Variants in RBM33 observed in about 807,000 individuals in gnomAD.
RBM33 encodes RNA binding motif protein 33.
A neutral mutation model predicts 132.6 loss-of-function variants in RBM33; 28 were observed. The observed-to-expected ratio is 0.21, with a 90% confidence interval of 0.16 to 0.29. The LOEUF is 0.29. Among genes scored for constraint, RBM33 ranks in the 10% least tolerant of loss-of-function variants. The pLI is 1.00. For synonymous variants in RBM33, 634 were observed against 593.0 expected (o/e 1.07, Z -1.01); for missense variants, 1,291 against 1,518.5 (o/e 0.85, Z 2.49).
In RBM33 at chr7:155,745,604, T is replaced by G. The variant is rs1585521218; in HGVS notation, c.2979+2T>G. On this transcript the variant is annotated splice_donor_variant, in intron 14 of 17. Transcript: ENST00000401878. LOFTEE classifies it high-confidence loss of function. The surrounding 1 kb of genome is among the most constrained non-coding windows in gnomAD (Gnocchi z 4.1). ...AGGGTGATTAAGCTGTCAGGTGGGG[T>G]AAGTTGACAAGTTTTATGAGAGCCT... 6.4e-7 allele frequency: 1 copy of G among 1,569,324 alleles called. No homozygotes were observed. Among genetic ancestry groups the G allele is most frequent in the Non-Finnish European group, 8.6e-7 (1 of 1,156,580 alleles).
chr7:155,713,619 G>A (rs950879886), intron 8 of RBM33, among the ~76,000 whole-genome samples: 1 of 152,178 alleles, frequency 6.6e-6, no homozygotes, highest in Non-Finnish European at 1.5e-5. Flanking sequence ...CACTTGGGGC[G>A]GGGCTGGTGA....
intron 14 of RBM33, among the ~76,000 whole-genome samples, chr7:155,762,824 G>A (rs1028866218): frequency 7.2e-5 from 11 of 152,292 alleles, no homozygotes; most frequent in Admixed American, 5.2e-4. Flanking sequence ...CCTCCCTGTC[G>A]ATGTTGAGAG....
intron 12 of RBM33, among the ~76,000 whole-genome samples, chr7:155,740,568 T>G (rs1443319627): frequency 6.6e-6 from 1 of 152,232 alleles, no homozygotes; most frequent in African/African-American, 2.4e-5. Context: ...TAGCATACAT[T>G]TATTTGTGGG....
chr7:155,654,056 A>G (rs1301371828), intron 1 of RBM33, among the ~76,000 whole-genome samples: 1 of 152,212 alleles, frequency 6.6e-6, no homozygotes, highest in African/African-American at 2.4e-5. Flanking sequence ...AAATATTGCA[A>G]AAGATGGCTG....
At chr7:155,671,947 G>C (rs539326077) in intron 2 of RBM33, among the ~76,000 whole-genome samples, 2 of 152,196 alleles carry the variant, frequency 1.3e-5, no homozygotes, top group African/African-American at 4.8e-5. Flanking sequence ...TTCTGTTTTA[G>C]TTGTAAAAAT....
At chr7:155,690,262 A>C (rs575257271) in intron 5 of RBM33, among the ~76,000 whole-genome samples, 70 of 152,104 alleles carry the variant, frequency 4.6e-4, no homozygotes, top group African/African-American at 1.6e-3. Context: ...TTTGGTTTAA[A>C]ATCTGTTTTA....
At chr7:155,681,692 A>G (rs1799342481) in intron 5 of RBM33, among the ~76,000 whole-genome samples, 1 of 152,052 alleles carries the variant, frequency 6.6e-6, no homozygotes, top group South Asian at 2.1e-4. Flanking sequence ...GGCTGTTGGG[A>G]TGGTGACAGA....
Position 155,650,906 on chromosome 7 carries a change from G to A in RBM33, c.43+5987G>A, listed in dbSNP as rs747045636. ...TGTTTTTGTTTTGAGACGGACTCTC[G>A]CTCTATCGCCCAGGCTGGAGTGTTG... On this transcript the variant is annotated intron_variant, in intron 1 of 17. Transcript: ENST00000401878. Among the ~76,000 whole-genome samples, 26 of 152,012 alleles carry A rather than the reference G, an allele frequency of 1.7e-4. 1 individual carries two copies. The highest frequency in any genetic ancestry group is 1.5e-3 in the East Asian group (8 of 5,190).
At chr7:155,689,148 G>A (rs1799560338) in intron 5 of RBM33, among the ~76,000 whole-genome samples, 1 of 152,146 alleles carries the variant, frequency 6.6e-6, no homozygotes, top group Non-Finnish European at 1.5e-5. Context: ...CTCAATTTCA[G>A]AGCCCGTTAT....
chr7:155,742,111 G>A lies in RBM33; in HGVS notation c.2337+5G>A. The A allele has an allele frequency of 6.2e-7, 1 of 1,602,052 alleles. No homozygotes were observed. Among genetic ancestry groups the A allele is most frequent in the South Asian group, 1.1e-5 (1 of 90,528 alleles). On this transcript the variant is annotated splice_donor_5th_base_variant and intron_variant, in intron 13 of 17. Coordinates refer to ENST00000401878, the MANE Select transcript of RBM33 (RefSeq NM_053043.3). ...GAGGCAAAAACAGAAACAGAGGTAG[G>A]ACACTGCTCTTATTAACAAATGTTG...
chr7:155,772,766 A>G (rs1802473622), intron 16 of RBM33, among the ~76,000 whole-genome samples: 2 of 152,234 alleles, frequency 1.3e-5, no homozygotes, highest in African/African-American at 2.4e-5. Flanking sequence ...TGATGTCCCT[A>G]GACCAGGGCC....
chr7:155,714,061 G>A (rs890234356), intron 8 of RBM33, among the ~76,000 whole-genome samples: 6 of 152,144 alleles, frequency 3.9e-5, no homozygotes, highest in Admixed American at 6.5e-5. Flanking sequence ...TGGAGCATCC[G>A]TTCGTGCTTT....
At chr7:155,646,737 T>A (rs920829188) in intron 1 of RBM33, among the ~76,000 whole-genome samples, 1 of 152,236 alleles carries the variant, frequency 6.6e-6, no homozygotes, top group African/African-American at 2.4e-5. Flanking sequence ...TTTGTTTTCT[T>A]CAGAACGTTT....
intron 2 of RBM33, among the ~76,000 whole-genome samples, chr7:155,667,473 T>C (rs961930970): frequency 3.3e-5 from 5 of 152,194 alleles, no homozygotes; most frequent in Non-Finnish European, 7.4e-5. Context: ...TAATTTCCTT[T>C]ATACCCCCAA....
intron 2 of RBM33, among the ~76,000 whole-genome samples, chr7:155,666,867 C>T (rs1563134372): frequency 1.3e-5 from 2 of 152,126 alleles, no homozygotes; most frequent in Non-Finnish European, 2.9e-5. Flanking sequence ...GAGAAGAATA[C>T]AGTCAGATGT....
Position 155,673,954 on chromosome 7 carries a change from T to TG in RBM33, c.171+1039_171+1040insG, listed in dbSNP as rs1563138409. Among the ~76,000 whole-genome samples, 9 of 118,028 alleles carry TG rather than the reference T, an allele frequency of 7.6e-5. 2 individuals carry two copies. Among genetic ancestry groups the TG allele is most frequent in the African/African-American group, 2.8e-4 (9 of 31,620 alleles). The allele number at this position is 118,028 out of a possible 152,430, so 77.4% of individuals were successfully genotyped here. The stretch of plus-strand genomic sequence containing the variant: ...GTTTAGGCTTAGTTTTTTTTTTTTT[T>TG]TTTTTTTTTTTTTTTTTTGAGACAC... On this transcript the variant is annotated intron_variant, in intron 3 of 17. Coordinates refer to ENST00000401878, the MANE Select transcript of RBM33 (RefSeq NM_053043.3).
intron 3 of RBM33, among the ~76,000 whole-genome samples, chr7:155,673,940 G>GTTGTTGTTTGTTTTTTTTTTTTTTT: frequency 0.016 from 887 of 54,196 alleles, 315 homozygotes; most frequent in East Asian, 0.025. Context: ...TTTAGGCTTA[G>GTTGTTGTTTGTTTTTTTTTTTTTTT]TTTTTTTTTT....
chr7:155,656,286 A>G (rs577056811), intron 1 of RBM33, among the ~76,000 whole-genome samples: 2 of 152,348 alleles, frequency 1.3e-5, no homozygotes, highest in East Asian at 1.9e-4. Context: ...CAGGGCACCA[A>G]TATTTTCAAA....
intron 7 of RBM33, among the ~76,000 whole-genome samples, chr7:155,708,252 C>T (rs775679591): frequency 3.9e-5 from 6 of 152,160 alleles, no homozygotes; most frequent in African/African-American, 7.2e-5. Context: ...TTTGATGATA[C>T]GAGGAACTGC....
Sources: gnomAD v4.1 joint callset for allele counts (sites outside exome capture counted in the v4.1 genomes callset) on GRCh38, gnomAD v4.1.1 for gene constraint, Gnocchi (gnomAD v3.1) non-coding constraint, MANE v1.5 for transcripts, NCBI Gene and HGNC (gene_info 2026-07-23, HGNC 2026-07-21) for gene names.